Variants in FGF13 observed in about 807,000 individuals in gnomAD.
FGF13 encodes the protein fibroblast growth factor homologous factor 2.
FGF13 carries 2 observed loss-of-function variants against 19.5 expected under a neutral mutation model. The ratio of observed to expected loss-of-function variants is 0.10; its 90% CI spans 0.04 to 0.32. FGF13 has a LOEUF of 0.32. Among genes scored for constraint, FGF13 ranks in the 10% least tolerant of loss-of-function variants. The pLI is 1.00. For missense variants in FGF13, 113 were observed against 192.7 expected, an observed-to-expected ratio of 0.59 and a Z score of 2.45; for synonymous variants, 72 against 76.9, an observed-to-expected ratio of 0.94 and a Z score of 0.33.
chrX:138,637,112 C>T (rs1286282192), intron 3 of FGF13, among the ~76,000 whole-genome samples: 1 of 111,932 alleles, frequency 8.9e-6, no homozygotes, highest in East Asian at 2.8e-4. Context: ...AGCCTAGGGG[C>T]ACACTCGATA....
chrX:139,152,289 G>A (rs1429167665), intron 1 of FGF13, among the ~76,000 whole-genome samples: 8 of 101,682 alleles, frequency 7.9e-5, no homozygotes, highest in South Asian at 9.2e-4. Context: ...AGGAGGCCCC[G>A]GGGCGATTAC....
At chrX:138,959,101 T>C (rs1248449533) in intron 1 of FGF13, among the ~76,000 whole-genome samples, 1 of 111,910 alleles carries the variant, frequency 8.9e-6, no homozygotes, top group African/African-American at 3.2e-5. Flanking sequence ...CTAGCTCTTT[T>C]AATTGTGATG....
intron 1 of FGF13, among the ~76,000 whole-genome samples, chrX:138,872,602 A>G (rs961571830): frequency 3.6e-5 from 4 of 112,086 alleles, no homozygotes; most frequent in Non-Finnish European, 7.5e-5. Flanking sequence ...AGTTGACCAG[A>G]TGACCTCTAA....
At chrX:138,642,360 C>G (rs965757918) in intron 3 of FGF13, among the ~76,000 whole-genome samples, 1 of 111,745 alleles carries the variant, frequency 8.9e-6, no homozygotes, top group Non-Finnish European at 1.9e-5. Context: ...GTCTTTTTGT[C>G]TGCAAATAGT....
At chrX:138,855,813 A>T (rs1029325694), downstream of FGF13, among the ~76,000 whole-genome samples, 9 of 112,103 alleles carry the variant, frequency 8.0e-5, no homozygotes, top group Non-Finnish European at 1.7e-4. Flanking sequence ...ATGGGGTCTT[A>T]ACTGTTTTTT....
chrX:138,975,923 A>G (rs1203779052), intron 1 of FGF13, among the ~76,000 whole-genome samples: 1 of 111,897 alleles, frequency 8.9e-6, no homozygotes, highest in Non-Finnish European at 1.9e-5. Context: ...TTTGGCCTAT[A>G]TAGGAAATGG....
chrX:139,061,159 C>A (rs1201235620), intron 1 of FGF13, among the ~76,000 whole-genome samples: 1 of 111,809 alleles, frequency 8.9e-6, no homozygotes, highest in Non-Finnish European at 1.9e-5. Flanking sequence ...ATATTTATGT[C>A]TACAATCATC....
intron 1 of FGF13, among the ~76,000 whole-genome samples, chrX:138,865,450 CCTCTCT>C (rs370662542): frequency 1.5e-4 from 13 of 89,248 alleles, no homozygotes; most frequent in African/African-American, 3.4e-4. Context: ...CTCTCTCTCT[CCTCTCT>C]CTCTCTCTCT....
Position 138,769,099 on chromosome X carries a change from G to T in FGF13, c.218-60171C>A, listed in dbSNP as rs745935463. Among the ~76,000 whole-genome samples the T allele has an allele frequency of 5.4e-5, 6 of 111,408 alleles. No individual in the cohort carries two copies. The South Asian group carries it at 2.2e-3, about 42-fold the overall frequency. On this transcript the variant is annotated intron_variant, in intron 3 of 6. Transcript: ENST00000436198. ...CACGCTTGACCTATTCACATATATA[G>T]CAATGATACATAACTGATCCATGAC...
chrX:138,678,405 A>T (rs188627365), intron 3 of FGF13, among the ~76,000 whole-genome samples: 63 of 112,286 alleles, frequency 5.6e-4, no homozygotes, highest in African/African-American at 2.0e-3. Context: ...GTAGCATTCC[A>T]AATAAATTAT....
At chrX:138,762,016 T>C (rs2090471070) in intron 3 of FGF13, among the ~76,000 whole-genome samples, 1 of 109,123 alleles carries the variant, frequency 9.2e-6, no homozygotes, top group Non-Finnish European at 1.9e-5. Flanking sequence ...TGCAGTCCAG[T>C]ATAGTGGCCA....
At chrX:139,170,709 C>G (rs748230547) in intron 1 of FGF13, among the ~76,000 whole-genome samples, 7 of 111,649 alleles carry the variant, frequency 6.3e-5, no homozygotes, top group African/African-American at 2.3e-4. Context: ...AACCATCCTG[C>G]ACTCATGTTT....
At chrX:138,974,645 AGAAAG>A (rs1308329508) in intron 1 of FGF13, among the ~76,000 whole-genome samples, 1 of 112,286 alleles carries the variant, frequency 8.9e-6, no homozygotes, top group Non-Finnish European at 1.9e-5. Context: ...CCATAGGAAA[AGAAAG>A]GAAAGAGAAA....
At chrX:138,656,787 A>G in intron 3 of FGF13, among the ~76,000 whole-genome samples, 1 of 112,020 alleles carries the variant, frequency 8.9e-6, no homozygotes, top group Non-Finnish European at 1.9e-5. Flanking sequence ...AGGTACTACT[A>G]AAGTGTGAAA....
chrX:138,955,028 G>T (rs1315669569), intron 1 of FGF13, among the ~76,000 whole-genome samples: 1 of 112,058 alleles, frequency 8.9e-6, no homozygotes, highest in Non-Finnish European at 1.9e-5. Flanking sequence ...CTGCTGATCA[G>T]AATCACCTGG....
At chrX:139,187,462 A>C (rs1293923764) in intron 1 of FGF13, among the ~76,000 whole-genome samples, 1 of 112,455 alleles carries the variant, frequency 8.9e-6, no homozygotes, top group African/African-American at 3.2e-5. Context: ...TAAATAATGC[A>C]TATTCTGAAT....
chrX:139,039,272 TCA>T (rs1356936169), intron 1 of FGF13, among the ~76,000 whole-genome samples: 2 of 111,508 alleles, frequency 1.8e-5, no homozygotes, highest in Non-Finnish European at 3.8e-5. Context: ...TTGCCAGGGG[TCA>T]CACACATTGC....
chrX:139,059,022 G>C (rs1015568391), intron 1 of FGF13, among the ~76,000 whole-genome samples: 2 of 111,270 alleles, frequency 1.8e-5, no homozygotes, highest in African/African-American at 6.5e-5. Flanking sequence ...TTTGTGTTCT[G>C]AGATTGAAAG....
intron 1 of FGF13, among the ~76,000 whole-genome samples, chrX:139,156,845 T>C (rs1449183080): frequency 8.9e-6 from 1 of 111,853 alleles, no homozygotes; most frequent in African/African-American, 3.3e-5. Flanking sequence ...GTGAGAAAAA[T>C]GTACCTGGTC....
Sources: allele counts gnomAD v4.1 joint callset (sites outside exome capture counted in the v4.1 genomes callset), GRCh38; gene constraint gnomAD v4.1.1; transcripts MANE v1.5; gene names NCBI Gene and HGNC (gene_info 2026-07-23, HGNC 2026-07-21).